The following PCED1B variants were observed in gnomAD, a reference collection of about 807,000 sequenced individuals.
PCED1B encodes the protein PC-esterase domain-containing protein 1B.
For missense variants in PCED1B, 573 were observed against 573.9 expected, an observed-to-expected ratio of 1.00 and a Z score of 0.02; for synonymous variants, 251 against 246.1, an observed-to-expected ratio of 1.02 and a Z score of -0.19.
At chr12:47,083,196 C>A (rs1937825092) in intron 1 of PCED1B, among the ~76,000 whole-genome samples, 1 of 151,796 alleles carries the variant, frequency 6.6e-6, no homozygotes, top group South Asian at 2.1e-4. Flanking sequence ...TTTGATGATT[C>A]TAAGTCATTT....
intron 2 of PCED1B, among the ~76,000 whole-genome samples, chr12:47,139,626 G>A (rs1940514661): frequency 6.6e-6 from 1 of 152,162 alleles, no homozygotes. Context: ...GTGTATGTGT[G>A]CTGGGTATGA....
At chr12:47,088,244 G>A (rs971194009) in intron 1 of PCED1B, among the ~76,000 whole-genome samples, 1 of 152,166 alleles carries the variant, frequency 6.6e-6, no homozygotes, top group Non-Finnish European at 1.5e-5. Flanking sequence ...TGAACCTAAT[G>A]GCTAGGTTTA....
At chr12:47,186,772 T>A (rs1942282426) in intron 2 of PCED1B, among the ~76,000 whole-genome samples, 1 of 152,222 alleles carries the variant, frequency 6.6e-6, no homozygotes, top group Admixed American at 6.5e-5. Context: ...ACTACATTTC[T>A]GTTGTAATCT....
At chr12:47,090,032 C>T (rs1938195255) in intron 1 of PCED1B, among the ~76,000 whole-genome samples, 1 of 152,174 alleles carries the variant, frequency 6.6e-6, no homozygotes, top group Non-Finnish European at 1.5e-5. Flanking sequence ...CTCGGCTTCC[C>T]AAAGTGCTGG....
intron 2 of PCED1B, among the ~76,000 whole-genome samples, chr12:47,187,454 A>G (rs760695635): frequency 5.9e-5 from 9 of 152,220 alleles, no homozygotes; most frequent in Non-Finnish European, 1.0e-4. Flanking sequence ...ATAGAGAACA[A>G]GAGAGAAAAA....
At chr12:47,213,160 G>A (rs1257336328) in intron 2 of PCED1B, among the ~76,000 whole-genome samples, 1 of 152,082 alleles carries the variant, frequency 6.6e-6, no homozygotes, top group African/African-American at 2.4e-5. Context: ...CACATACTTC[G>A]TGCAAAATTT....
chr12:47,117,098 A>G (rs1258573576), intron 2 of PCED1B, among the ~76,000 whole-genome samples: 1 of 152,136 alleles, frequency 6.6e-6, no homozygotes, highest in Non-Finnish European at 1.5e-5. Context: ...TCCTCCCACC[A>G]TGGACTCCCA....
At chr12:47,101,924 C>T (rs557313495) in intron 1 of PCED1B, among the ~76,000 whole-genome samples, 1 of 149,836 alleles carries the variant, frequency 6.7e-6, no homozygotes, top group South Asian at 2.1e-4. Flanking sequence ...CCAGCCTGGG[C>T]AACAAGAGCA....
intron 2 of PCED1B, among the ~76,000 whole-genome samples, chr12:47,167,338 G>A (rs780416706): frequency 7.9e-5 from 12 of 152,118 alleles, no homozygotes; most frequent in Non-Finnish European, 1.0e-4. Flanking sequence ...ATTCCTAGGG[G>A]TCAGTGCTGG....
At chr12:47,174,127 G>A (rs1039963471) in intron 2 of PCED1B, among the ~76,000 whole-genome samples, 1 of 152,092 alleles carries the variant, frequency 6.6e-6, no homozygotes, top group South Asian at 2.1e-4. Flanking sequence ...AAAAAAATAT[G>A]GCCGGCTGAG....
intron 2 of PCED1B, among the ~76,000 whole-genome samples, chr12:47,186,765 A>G (rs1942281984): frequency 6.6e-6 from 1 of 152,168 alleles, no homozygotes; most frequent in Non-Finnish European, 1.5e-5. Context: ...GTGAGATACT[A>G]CATTTCTGTT....
chr12:47,199,679 A>G (rs1331864388), intron 2 of PCED1B, among the ~76,000 whole-genome samples: 1 of 152,220 alleles, frequency 6.6e-6, no homozygotes, highest in Non-Finnish European at 1.5e-5. Flanking sequence ...AAATAAGAAA[A>G]AAGTTAATCT....
chr12:47,102,586 A>G (rs1462493229), intron 1 of PCED1B, among the ~76,000 whole-genome samples: 1 of 152,114 alleles, frequency 6.6e-6, no homozygotes, highest in East Asian at 1.9e-4. Context: ...GTCAGGAATG[A>G]TTTACCACTG....
At chr12:47,107,566 A>G (rs933451537) in intron 2 of PCED1B, among the ~76,000 whole-genome samples, 2 of 152,218 alleles carry the variant, frequency 1.3e-5, no homozygotes, top group Non-Finnish European at 2.9e-5. Context: ...ATGGCCCCCG[A>G]CACCAACTTG....
intron 1 of PCED1B, among the ~76,000 whole-genome samples, chr12:47,088,270 G>C (rs951520022): frequency 6.6e-6 from 1 of 152,184 alleles, no homozygotes; most frequent in African/African-American, 2.4e-5. Flanking sequence ...AAAATAAACA[G>C]AGCTGGAGAG....
intron 1 of PCED1B, among the ~76,000 whole-genome samples, chr12:47,094,252 G>A (rs1252107797): frequency 6.6e-6 from 1 of 152,086 alleles, no homozygotes; most frequent in Admixed American, 6.5e-5. Flanking sequence ...TAGCTAGACA[G>A]CTTTAGGAGC....
At chr12:47,155,312 G>T (rs1941156202) in intron 2 of PCED1B, among the ~76,000 whole-genome samples, 1 of 152,114 alleles carries the variant, frequency 6.6e-6, no homozygotes, top group African/African-American at 2.4e-5. Context: ...GATCAACTAA[G>T]AAAGAAAAGT....
At chr12:47,161,290 G>T (rs1357049711) in intron 2 of PCED1B, among the ~76,000 whole-genome samples, 2 of 152,158 alleles carry the variant, frequency 1.3e-5, no homozygotes, top group African/African-American at 4.8e-5. Flanking sequence ...TCTTTTGTAT[G>T]TGAATATCCA....
intron 2 of PCED1B, among the ~76,000 whole-genome samples, chr12:47,195,158 G>A (rs1476954826): frequency 2.0e-5 from 3 of 151,892 alleles, no homozygotes; most frequent in African/African-American, 4.8e-5. Flanking sequence ...GCGAAATTCC[G>A]TCTCTTCTAA....
Sources: allele counts gnomAD v4.1 joint callset (sites outside exome capture counted in the v4.1 genomes callset), GRCh38; gene constraint gnomAD v4.1.1; transcripts MANE v1.5; gene names NCBI Gene and HGNC (gene_info 2026-07-23, HGNC 2026-07-21).